The following SCCPDH variants were observed in gnomAD, a reference collection of about 807,000 sequenced individuals.
SCCPDH encodes saccharopine dehydrogenase (putative).
SCCPDH carries 34 observed loss-of-function variants against 51.5 expected under a neutral mutation model. The ratio of observed to expected loss-of-function variants is 0.66; its 90% confidence interval spans 0.50 to 0.88. The LOEUF is 0.88. Ranked by LOEUF, SCCPDH falls within the 40% of genes least tolerant of loss-of-function variation. The pLI is 0.00. For synonymous variants in SCCPDH, 187 were observed against 191.3 expected (o/e 0.98, Z 0.19); for missense variants, 464 against 527.1 (o/e 0.88, Z 1.17).
intron 5 of SCCPDH, among the ~76,000 whole-genome samples, chr1:246,752,902 G>A (rs1668870062): frequency 6.6e-6 from 1 of 152,052 alleles, no homozygotes; most frequent in Non-Finnish European, 1.5e-5. Flanking sequence ...GTCTTTTGAA[G>A]TGACCTATTT....
At chr1:246,753,051 GAC>G (rs1491130063) in intron 5 of SCCPDH, among the ~76,000 whole-genome samples, 2 of 140,352 alleles carry the variant, frequency 1.4e-5, no homozygotes, top group Admixed American at 7.0e-5. Context: ...CTTTTTCTTT[GAC>G]TCTCTCTCTC....
intron 2 of SCCPDH, among the ~76,000 whole-genome samples, chr1:246,732,464 T>C (rs536028588): frequency 1.3e-4 from 20 of 152,202 alleles, no homozygotes; most frequent in Admixed American, 3.9e-4. Flanking sequence ...CTAGGCTCAC[T>C]GCAACCTCCA....
chr1:246,765,374 T>C (rs4244625), intron 10 of SCCPDH, among the ~76,000 whole-genome samples: 148,900 of 152,334 alleles, frequency 0.98, 72,865 homozygotes, highest in East Asian at 1. Flanking sequence ...CAGGCATGAA[T>C]TGCCATGCCT....
intron 5 of SCCPDH, among the ~76,000 whole-genome samples, chr1:246,749,132 G>A (rs140635775): frequency 1.9e-4 from 29 of 152,324 alleles, no homozygotes; most frequent in Non-Finnish European, 4.0e-4. Context: ...CTCGGCTGTA[G>A]GGTTCTGGAA....
chr1:246,754,169 C>T (rs61852489), intron 5 of SCCPDH, among the ~76,000 whole-genome samples: 17,872 of 152,048 alleles, frequency 0.12, 2,102 homozygotes, highest in African/African-American at 0.31. Flanking sequence ...ACCGAGGAAA[C>T]GCTTGGCTGC....
intron 3 of SCCPDH, among the ~76,000 whole-genome samples, chr1:246,738,997 G>A (rs1456690485): frequency 6.6e-6 from 1 of 152,184 alleles, no homozygotes; most frequent in African/African-American, 2.4e-5. Flanking sequence ...TTGTATGTGT[G>A]TGACTATGTT....
intron 5 of SCCPDH, among the ~76,000 whole-genome samples, chr1:246,746,130 A>ATG (rs752573422): frequency 1.5e-5 from 2 of 131,482 alleles, no homozygotes; most frequent in Non-Finnish European, 1.7e-5. Context: ...AAAAAAAAAA[A>ATG]AAGAAGGAAG....
rs529088598 is a variant in SCCPDH, at chr1:246,724,522, C to T, written c.100C>T (p.Pro34Ser). ...TEEVAREQVD[P>S]ERSSRLPWAV... ...GGAGGTGGCCCGGGAGCAGGTGGAC[C>T]CGGAGCGGAGCTCCCGCCTGCCCTG... is the stretch of plus-strand genomic sequence containing the variant. The change falls in exon 1 of 12, where the codon CCG becomes TCG. Residue 34 changes from proline to serine, a missense_variant. Physicochemically the swap from Pro to Ser is moderately conservative, Grantham distance 74. Coordinates refer to ENST00000366510, the MANE Select transcript of SCCPDH (RefSeq NM_016002.3). 1.9e-6 allele frequency: 3 copies of T among 1,554,436 alleles called. No individual in the cohort carries two copies. In the South Asian group the frequency reaches 3.5e-5, roughly 18 times the overall value.
At chr1:246,760,378 T>A in intron 9 of SCCPDH, 151 bp downstream of exon 9, 3 of 673,388 alleles carry the variant, frequency 4.5e-6, no homozygotes, top group Non-Finnish European at 7.3e-6. Flanking sequence ...ACCCCTTGAA[T>A]GTAGGTATTA....
intron 2 of SCCPDH, 44 bp from the exon 3 acceptor site, chr1:246,735,931 C>T (rs1272422157): frequency 7.7e-7 from 1 of 1,305,400 alleles, no homozygotes; most frequent in Admixed American, 1.8e-5. Context: ...TTCATTTAAA[C>T]TTGTCAAGCA....
chr1:246,734,219 A>G (rs1668536902), intron 2 of SCCPDH, among the ~76,000 whole-genome samples: 1 of 152,206 alleles, frequency 6.6e-6, no homozygotes, highest in South Asian at 2.1e-4. Flanking sequence ...AACAAGGCCG[A>G]GAAAGCTCCA....
At chr1:246,759,444 G>C (rs1471095525) in intron 7 of SCCPDH, among the ~76,000 whole-genome samples, 1 of 152,136 alleles carries the variant, frequency 6.6e-6, no homozygotes, top group South Asian at 2.1e-4. Flanking sequence ...GGTTTCAGTT[G>C]CTAGAAACTC....
chr1:246,726,478 T>C (rs905261613), intron 1 of SCCPDH, among the ~76,000 whole-genome samples: 3 of 151,978 alleles, frequency 2.0e-5, no homozygotes, highest in Admixed American at 6.6e-5. Context: ...GGTCAAGAGA[T>C]CCTTGCACCT....
At chr1:246,762,225 A>C (rs958461208) in intron 9 of SCCPDH, among the ~76,000 whole-genome samples, 1 of 152,248 alleles carries the variant, frequency 6.6e-6, no homozygotes, top group Non-Finnish European at 1.5e-5. Flanking sequence ...CATATCCAGA[A>C]AATATAGAGA....
intron 5 of SCCPDH, among the ~76,000 whole-genome samples, chr1:246,747,897 G>C (rs1668785720): frequency 6.6e-6 from 1 of 152,156 alleles, no homozygotes; most frequent in African/African-American, 2.4e-5. Context: ...AAAGAACGAG[G>C]ATGTTAAACT....
At chr1:246,764,460 A>C (rs1669061003) in intron 10 of SCCPDH, 103 bp downstream of exon 10, 3 of 561,850 alleles carry the variant, frequency 5.3e-6, no homozygotes, top group Non-Finnish European at 9.1e-6. Flanking sequence ...ATTGTTTTAG[A>C]AATACATTTG....
rs567117620 is a variant in SCCPDH at position 246,737,257 on chromosome 1, A to C, written c.384+1202A>C. On this transcript the variant is annotated intron_variant, in intron 3 of 11. Coordinates refer to ENST00000366510, the MANE Select transcript of SCCPDH (RefSeq NM_016002.3). ...TTAAAAAAAAAAAAAAGCCCAGGCGAGGTGGCTCACGCCTGTTACCCCAGC... is the reference window on the plus strand; with the variant it reads ...TTAAAAAAAAAAAAAAGCCCAGGCGCGGTGGCTCACGCCTGTTACCCCAGC... 5.4e-3 allele frequency among the ~76,000 whole-genome samples: 803 copies of C among 148,488 alleles called. 9 individuals carry two copies. Among genetic ancestry groups the C allele is most frequent in the Non-Finnish European group, 9.0e-3 (605 of 67,346 alleles).
At chr1:246,747,128 C>T (rs1447030406) in intron 5 of SCCPDH, among the ~76,000 whole-genome samples, 1 of 152,140 alleles carries the variant, frequency 6.6e-6, no homozygotes, top group African/African-American at 2.4e-5. Flanking sequence ...ACTGTCCGAA[C>T]TCTTTTTTTC....
intron 2 of SCCPDH, among the ~76,000 whole-genome samples, chr1:246,728,381 A>G (rs770408258): frequency 2.6e-5 from 4 of 152,096 alleles, no homozygotes; most frequent in Admixed American, 1.3e-4. Context: ...GCCCTCATCT[A>G]TCTCCCTTGC....
Sources: allele counts gnomAD v4.1 joint callset (sites outside exome capture counted in the v4.1 genomes callset), GRCh38; gene constraint gnomAD v4.1.1; transcripts MANE v1.5; gene names NCBI Gene and HGNC (gene_info 2026-07-23, HGNC 2026-07-21).